The following NOX4 variants were observed in gnomAD, a reference collection of about 807,000 sequenced individuals.
NOX4 encodes kidney oxidase-1.
A neutral mutation model predicts 87.6 loss-of-function variants in NOX4; 69 were observed. The observed-to-expected ratio is 0.79, with a 90% CI of 0.65 to 0.96. The LOEUF is 0.96. NOX4 is among the 40% of genes least tolerant of loss of function. NOX4 has a pLI of 0.00. For synonymous variants in NOX4, 275 were observed against 238.2 expected (o/e 1.15, Z -1.42); for missense variants, 680 against 681.5 (o/e 1.00, Z 0.02).
chr11:89,427,199 A>G lies in NOX4; in HGVS notation c.549-5217T>C, dbSNP rs147234149. 3.0e-3 allele frequency among the ~76,000 whole-genome samples: 462 copies of G among 152,264 alleles called. 4 individuals are homozygous for G. Among genetic ancestry groups the G allele is most frequent in the African/African-American group, 0.011 (446 of 41,556 alleles). On this transcript the variant is annotated intron_variant, in intron 7 of 17. Coordinates refer to ENST00000263317, the MANE Select transcript of NOX4 (RefSeq NM_016931.5). Reference sequence around the variant, plus strand: ...AGGAAAACTAACAAACAGAAAAGACATCCACACCAAAACCTCATTCGCATG... The same window carrying G: ...AGGAAAACTAACAAACAGAAAAGACGTCCACACCAAAACCTCATTCGCATG...
the NOX4 span, among the ~76,000 whole-genome samples, chr11:89,544,487 G>C: frequency 6.6e-6 from 1 of 152,158 alleles, no homozygotes; most frequent in Non-Finnish European, 1.5e-5. Context: ...TTTAGCAAAA[G>C]AAGGTGAAAG....
At chr11:89,516,236 C>T in the NOX4 span, among the ~76,000 whole-genome samples, 1 of 151,962 alleles carries the variant, frequency 6.6e-6, no homozygotes, top group Non-Finnish European at 1.5e-5. Context: ...CATTATAAAC[C>T]TCAAAATACA....
the NOX4 span, among the ~76,000 whole-genome samples, chr11:89,522,111 G>C: frequency 6.6e-6 from 1 of 152,188 alleles, no homozygotes; most frequent in Non-Finnish European, 1.5e-5. Context: ...CTGGAAAGCA[G>C]TTTGGAGATT....
At chr11:89,372,307 A>G (rs922392238) in intron 12 of NOX4, among the ~76,000 whole-genome samples, 3 of 151,916 alleles carry the variant, frequency 2.0e-5, no homozygotes, top group Admixed American at 1.3e-4. Context: ...AAAATTCCCT[A>G]AAGTCCCTTG....
chr11:89,540,235 T>C, the NOX4 span, among the ~76,000 whole-genome samples: 1 of 152,274 alleles, frequency 6.6e-6, no homozygotes, highest in East Asian at 1.9e-4. Context: ...ACCTAGCTAG[T>C]ACATGTTATC....
intron 12 of NOX4, among the ~76,000 whole-genome samples, chr11:89,370,540 T>C (rs1458781668): frequency 6.6e-6 from 1 of 151,986 alleles, no homozygotes; most frequent in Non-Finnish European, 1.5e-5. Flanking sequence ...AAAATGATAA[T>C]CAAGTCAATA....
At chr11:89,461,060 A>C (rs1945438841) in intron 2 of NOX4, among the ~76,000 whole-genome samples, 1 of 152,162 alleles carries the variant, frequency 6.6e-6, no homozygotes, top group South Asian at 2.1e-4. Context: ...TTGCAAGGAC[A>C]AAAAACCAAA....
chr11:89,367,838 C>T (rs575902197), intron 12 of NOX4, among the ~76,000 whole-genome samples: 2 of 152,202 alleles, frequency 1.3e-5, no homozygotes, highest in South Asian at 2.1e-4. Context: ...GCCACCCCAG[C>T]CAGGCCTCCC....
chr11:89,338,650 A>T (rs1945833097), intron 15 of NOX4, among the ~76,000 whole-genome samples: 1 of 152,050 alleles, frequency 6.6e-6, no homozygotes, highest in African/African-American at 2.4e-5. Flanking sequence ...ACTCTGCTTC[A>T]TCCACACAGA....
At chr11:89,432,879 GT>G in intron 6 of NOX4, 23 bp from the exon 7 acceptor site, 3 of 1,518,612 alleles carry the variant, frequency 2.0e-6, no homozygotes, top group Non-Finnish European at 2.7e-6. Flanking sequence ...ATACAAGTAG[GT>G]TTTTACTTAA....
intron 8 of NOX4, among the ~76,000 whole-genome samples, chr11:89,414,544 T>C (rs1003903786): frequency 6.6e-6 from 1 of 150,682 alleles, no homozygotes; most frequent in African/African-American, 2.4e-5. Context: ...TGCTCCAGTC[T>C]AAATCCTAGT....
chr11:89,578,560 T>C, the NOX4 span, among the ~76,000 whole-genome samples: 2 of 152,188 alleles, frequency 1.3e-5, no homozygotes, highest in Admixed American at 1.3e-4. Context: ...GATAAACTAA[T>C]ATATGGAAAG....
chr11:89,567,420 T>C, the NOX4 span, among the ~76,000 whole-genome samples: 1 of 152,176 alleles, frequency 6.6e-6, no homozygotes, highest in Non-Finnish European at 1.5e-5. Context: ...CCCCAGTCTA[T>C]TCGTTCATTC....
At chr11:89,510,298 A>G in the NOX4 span, among the ~76,000 whole-genome samples, 6 of 152,204 alleles carry the variant, frequency 3.9e-5, no homozygotes, top group Non-Finnish European at 7.4e-5. Context: ...TATATTTTCT[A>G]TTTAGAGATT....
At chr11:89,360,786 A>G (rs575865896) in intron 12 of NOX4, among the ~76,000 whole-genome samples, 1 of 152,188 alleles carries the variant, frequency 6.6e-6, no homozygotes, top group Non-Finnish European at 1.5e-5. Context: ...CAAAAAGTGG[A>G]CAAAGGACTT....
the NOX4 span, among the ~76,000 whole-genome samples, chr11:89,582,673 T>A: frequency 6.6e-6 from 1 of 152,202 alleles, no homozygotes; most frequent in Non-Finnish European, 1.5e-5. Flanking sequence ...AGACTGTGGC[T>A]TATTTTGCTT....
At chr11:89,329,489 AAT>A (rs1353194145) in intron 17 of NOX4, among the ~76,000 whole-genome samples, 1 of 151,326 alleles carries the variant, frequency 6.6e-6, no homozygotes, top group Non-Finnish European at 1.5e-5. Context: ...AAAAAAAAAA[AAT>A]AAAAGATCTC....
intron 12 of NOX4, among the ~76,000 whole-genome samples, chr11:89,367,585 A>G (rs1487676707): frequency 1.3e-5 from 2 of 152,188 alleles, no homozygotes; most frequent in African/African-American, 2.4e-5. Flanking sequence ...CTCCTTTCTC[A>G]AAACTCAAAA....
intron 12 of NOX4, among the ~76,000 whole-genome samples, chr11:89,358,305 G>GA (rs1432380707): frequency 6.8e-6 from 1 of 146,212 alleles, no homozygotes; most frequent in East Asian, 2.1e-4. Context: ...AGAATCACTT[G>GA]AACCCAGGAG....
Sources: gnomAD v4.1 joint callset for allele counts (sites outside exome capture counted in the v4.1 genomes callset) on GRCh38, gnomAD v4.1.1 for gene constraint, MANE v1.5 for transcripts, NCBI Gene and HGNC (gene_info 2026-07-23, HGNC 2026-07-21) for gene names.